Variants in ATP8A2 observed in about 807,000 individuals in gnomAD.
The protein encoded by ATP8A2 is ATPase phospholipid transporting 8A2.
In ATP8A2, 100 loss-of-function variants were observed where a neutral mutation model predicts 165.6. The observed-to-expected ratio is 0.60, with a 90% CI of 0.51 to 0.71. The LOEUF (loss-of-function observed/expected upper bound fraction) is 0.71, where lower values mean the gene tolerates loss of function less well. Ranked by LOEUF, ATP8A2 falls within the 30% of genes least tolerant of loss-of-function variation. The pLI is 0.00. For missense variants in ATP8A2, 1,227 were observed against 1,479.5 expected, an observed-to-expected ratio of 0.83 and a Z score of 2.80; for synonymous variants, 543 against 548.8, an observed-to-expected ratio of 0.99 and a Z score of 0.15.
At chr13:25,890,634 G>T (rs1250942926) in intron 33 of ATP8A2, among the ~76,000 whole-genome samples, 1 of 152,068 alleles carries the variant, frequency 6.6e-6, no homozygotes, top group African/African-American at 2.4e-5. Context: ...CACAATAATT[G>T]TTTTCTTCAT....
At chr13:25,379,454 C>A (rs1486931308) in intron 1 of ATP8A2, among the ~76,000 whole-genome samples, 1 of 152,112 alleles carries the variant, frequency 6.6e-6, no homozygotes, top group Non-Finnish European at 1.5e-5. Context: ...TATCGGGGAG[C>A]AGTTCATTCA....
intron 14 of ATP8A2, 111 bp from the exon 15 acceptor site, chr13:25,559,610 T>G: frequency 2.4e-6 from 2 of 819,724 alleles, no homozygotes; most frequent in Non-Finnish European, 4.2e-6. Context: ...AAGAAGTCCC[T>G]GAGAATCTGT....
chr13:25,912,980 C>CT (rs1484294637), intron 33 of ATP8A2, among the ~76,000 whole-genome samples: 1 of 152,172 alleles, frequency 6.6e-6, no homozygotes, highest in Non-Finnish European at 1.5e-5. Context: ...AACTTGTCAC[C>CT]TGTGTGACTT....
At chr13:25,735,729 G>T (rs1385780335) in intron 25 of ATP8A2, among the ~76,000 whole-genome samples, 1 of 152,182 alleles carries the variant, frequency 6.6e-6, no homozygotes, top group Non-Finnish European at 1.5e-5. Context: ...GGTCCCATAC[G>T]ATTATAATGG....
intron 35 of ATP8A2, among the ~76,000 whole-genome samples, chr13:25,978,933 A>G (rs550015787): frequency 6.6e-6 from 1 of 151,714 alleles, no homozygotes; most frequent in Non-Finnish European, 1.5e-5. Context: ...GAGCGAGACT[A>G]CGGCTCAAAA....
chr13:25,607,500 G>A (rs2040548705), intron 24 of ATP8A2, among the ~76,000 whole-genome samples: 2 of 151,664 alleles, frequency 1.3e-5, no homozygotes, highest in African/African-American at 4.9e-5. Context: ...CGATTGTTAA[G>A]TCAAAAAATC....
intron 25 of ATP8A2, among the ~76,000 whole-genome samples, chr13:25,767,460 A>G (rs1032683604): frequency 6.6e-6 from 1 of 152,228 alleles, no homozygotes; most frequent in Non-Finnish European, 1.5e-5. Context: ...TAATGGTTGA[A>G]GAACCTGAGA....
intron 1 of ATP8A2, among the ~76,000 whole-genome samples, chr13:25,422,175 T>C (rs1260900544): frequency 6.6e-6 from 1 of 152,198 alleles, no homozygotes; most frequent in African/African-American, 2.4e-5. Flanking sequence ...AAAACACTTA[T>C]GACTCGAGAG....
At position 25,793,555 on chromosome 13, in the gene ATP8A2, T is replaced by C. The variant is rs115616288; in HGVS notation, c.2679+18596T>C. On this transcript the variant is annotated intron_variant, in intron 27 of 36. Transcript: ENST00000381655. ...TGTATGTGTATTATACACACATGTA[T>C]GTAGAAGTACATATGTGTGCACATA... Among the ~76,000 whole-genome samples the C allele has an allele frequency of 4.6e-3, 703 of 152,350 alleles. 10 individuals are homozygous for C. Among genetic ancestry groups the C allele is most frequent in the African/African-American group, 0.016 (647 of 41,586 alleles).
At chr13:25,965,402 A>G (rs1410486436) in intron 34 of ATP8A2, among the ~76,000 whole-genome samples, 1 of 152,106 alleles carries the variant, frequency 6.6e-6, no homozygotes, top group African/African-American at 2.4e-5. Flanking sequence ...CCATTATTAG[A>G]CTATCTTAAG....
chr13:25,783,800 A>G lies in ATP8A2; in HGVS notation c.2679+8841A>G, dbSNP rs537905631. ...GTCAGCAATTAGCCCAGCCCTTAGTACCTAACAGAGAAGAAATGCATTATG... is the reference window on the plus strand; with the variant it reads ...GTCAGCAATTAGCCCAGCCCTTAGTGCCTAACAGAGAAGAAATGCATTATG... On this transcript the variant is annotated intron_variant, in intron 27 of 36. Coordinates refer to ENST00000381655, the MANE Select transcript of ATP8A2 (RefSeq NM_016529.6). 2.6e-3 allele frequency among the ~76,000 whole-genome samples: 402 copies of G among 152,264 alleles called. 2 individuals carry two copies. The highest frequency in any genetic ancestry group is 4.8e-3 in the Non-Finnish European group (329 of 68,028).
chr13:25,420,074 G>A (rs1295091554), intron 1 of ATP8A2, among the ~76,000 whole-genome samples: 2 of 152,182 alleles, frequency 1.3e-5, no homozygotes, highest in Non-Finnish European at 2.9e-5. Flanking sequence ...TTATTGAAGG[G>A]TTTCTGTGTA....
At position 25,595,043 on chromosome 13, in the gene ATP8A2, T is replaced by TATAA. The variant is rs557565524; in HGVS notation, c.2211+5345_2211+5346insTAAA. On this transcript the variant is annotated intron_variant, in intron 24 of 36. Coordinates refer to ENST00000381655, the MANE Select transcript of ATP8A2 (RefSeq NM_016529.6). ...GTATATGTATATGTATATATATATATAATGGAATACTACTCAGCCATAAAA... is the reference window on the plus strand; with the variant it reads ...GTATATGTATATGTATATATATATATATAAAATGGAATACTACTCAGCCATAAAA... 5.8e-3 allele frequency among the ~76,000 whole-genome samples: 872 copies of TATAA among 150,788 alleles called. 7 individuals are homozygous for TATAA. The highest frequency in any genetic ancestry group is 0.02 in the African/African-American group (815 of 41,150).
intron 27 of ATP8A2, among the ~76,000 whole-genome samples, chr13:25,777,552 A>G (rs2044770054): frequency 6.6e-6 from 1 of 152,266 alleles, no homozygotes; most frequent in African/African-American, 2.4e-5. Flanking sequence ...TTGTAACTCA[A>G]GGAGCGATTC....
intron 33 of ATP8A2, among the ~76,000 whole-genome samples, chr13:25,924,959 G>T (rs558644305): frequency 1.1e-4 from 16 of 152,316 alleles, no homozygotes; most frequent in African/African-American, 2.6e-4. Context: ...CCTCAGCCAT[G>T]CGTAACTGTG....
intron 25 of ATP8A2, among the ~76,000 whole-genome samples, chr13:25,763,610 T>A (rs1248690697): frequency 6.6e-6 from 1 of 152,040 alleles, no homozygotes; most frequent in Non-Finnish European, 1.5e-5. Context: ...AACCCCAAAT[T>A]CTATATCTGC....
At chr13:25,957,170 T>A (rs1955545100) in intron 33 of ATP8A2, among the ~76,000 whole-genome samples, 1 of 152,160 alleles carries the variant, frequency 6.6e-6, no homozygotes, top group African/African-American at 2.4e-5. Flanking sequence ...ATAAAAACCC[T>A]AGAAGAAAAC....
At chr13:25,392,270 T>G (rs545700053) in intron 1 of ATP8A2, among the ~76,000 whole-genome samples, 34 of 152,358 alleles carry the variant, frequency 2.2e-4, no homozygotes, top group African/African-American at 7.9e-4. Context: ...TTAAATTATT[T>G]TGAGCCTTAA....
intron 10 of ATP8A2, among the ~76,000 whole-genome samples, chr13:25,545,418 C>A (rs1351182963): frequency 6.6e-6 from 1 of 151,938 alleles, no homozygotes; most frequent in Non-Finnish European, 1.5e-5. Context: ...AGTGCTGTAG[C>A]CATGCAAGAA....
Sources: gnomAD v4.1 joint callset for allele counts (sites outside exome capture counted in the v4.1 genomes callset) on GRCh38, gnomAD v4.1.1 for gene constraint, MANE v1.5 for transcripts, NCBI Gene and HGNC (gene_info 2026-07-23, HGNC 2026-07-21) for gene names.